Variants in FOXP2 observed in about 807,000 individuals in gnomAD.
The protein encoded by FOXP2 is forkhead box protein P2.
A neutral mutation model predicts 115.8 loss-of-function variants in FOXP2; 12 were observed. That is an observed-to-expected ratio of 0.10 (90% CI 0.07 to 0.17). FOXP2 has a LOEUF of 0.17. Ranked by LOEUF, FOXP2 falls within the 10% of genes least tolerant of loss-of-function variation. FOXP2 has a pLI of 1.00. For missense variants in FOXP2, 629 were observed against 843.5 expected (o/e 0.75, Z 3.15); for synonymous variants, 328 against 297.7 (o/e 1.10, Z -1.05).
rs141709572 is a variant in FOXP2 at position 114,637,470 on chromosome 7, A to G, written c.776-4940A>G. 1.5e-3 allele frequency among the ~76,000 whole-genome samples: 234 copies of G among 152,282 alleles called. 2 individuals carry two copies. Among genetic ancestry groups the G allele is most frequent in the African/African-American group, 5.3e-3 (219 of 41,580 alleles). ...AGTTGTCTATTAATCATAATAGTCT[A>G]GTCCACAGATTCCCAGAGTATGTTT... On this transcript the variant is annotated intron_variant, in intron 6 of 16. Transcript: ENST00000350908.
At chr7:114,668,070 A>G (rs1287595558) in intron 16 of FOXP2, 1 of 152,128 alleles carries the variant, frequency 6.6e-6, no homozygotes, top group Non-Finnish European at 1.5e-5. Context: ...CACAAGAAGC[A>G]GGTTCAAAAG....
At chr7:114,125,690 A>C (rs1173457500) in intron 1 of FOXP2, among the ~76,000 whole-genome samples, 1 of 152,112 alleles carries the variant, frequency 6.6e-6, no homozygotes, top group Non-Finnish European at 1.5e-5. Context: ...TCAGTGAATC[A>C]TGACTTCTGC....
At chr7:114,224,024 A>T (rs1794686659) in intron 1 of FOXP2, among the ~76,000 whole-genome samples, 2 of 152,044 alleles carry the variant, frequency 1.3e-5, no homozygotes, top group African/African-American at 4.8e-5. Flanking sequence ...GGATAGTGTA[A>T]TCAGAACCAA....
At chr7:114,264,776 A>C (rs918397014) in intron 1 of FOXP2, among the ~76,000 whole-genome samples, 1 of 152,088 alleles carries the variant, frequency 6.6e-6, no homozygotes, top group African/African-American at 2.4e-5. Flanking sequence ...GGCCTCAGGG[A>C]GCTTTTACTC....
chr7:114,214,701 C>A (rs901982812), intron 1 of FOXP2, among the ~76,000 whole-genome samples: 4 of 152,146 alleles, frequency 2.6e-5, no homozygotes, highest in Admixed American at 2.6e-4. Context: ...TGCCTTCCCC[C>A]CTTACTCCTG....
At chr7:114,222,247 C>A (rs894088958) in intron 1 of FOXP2, among the ~76,000 whole-genome samples, 2 of 152,328 alleles carry the variant, frequency 1.3e-5, no homozygotes, top group East Asian at 3.9e-4. Flanking sequence ...CCTCTGTCTC[C>A]TGGGCTCATG....
chr7:114,101,100 A>G (rs562847649), intron 1 of FOXP2, among the ~76,000 whole-genome samples: 1 of 152,222 alleles, frequency 6.6e-6, no homozygotes, highest in South Asian at 2.1e-4. Context: ...CTTGTCCCCC[A>G]AGTCCCACAG....
rs1012543709 is a variant in FOXP2, at chr7:114,399,947, C to CG, written c.-10-26555_-10-26554insG. Among the ~76,000 whole-genome samples the CG allele has an allele frequency of 9.2e-5, 14 of 151,426 alleles. No homozygotes were observed. The East Asian group carries it at 1.4e-3, about 15-fold the overall frequency. ...TCTTGGCTCACTGCAACCTCCGCCC[C>CG]CCGAGTTCAAGCGATTCTCCTGCCT... On this transcript the variant is annotated intron_variant, in intron 2 of 17. Coordinates refer to the FOXP2 transcript ENST00000634411.
chr7:114,440,320 G>T (rs1195149466), intron 2 of FOXP2, among the ~76,000 whole-genome samples: 1 of 152,144 alleles, frequency 6.6e-6, no homozygotes, highest in South Asian at 2.1e-4. Context: ...TATTTCTGAT[G>T]AATATAGTCA....
chr7:114,226,936 A>G (rs1794761647), intron 1 of FOXP2, among the ~76,000 whole-genome samples: 1 of 152,062 alleles, frequency 6.6e-6, no homozygotes, highest in African/African-American at 2.4e-5. Context: ...ATTGAAATCC[A>G]TTTTACTTAC....
At chr7:114,385,563 C>T (rs369118065) in intron 2 of FOXP2, among the ~76,000 whole-genome samples, 1 of 152,074 alleles carries the variant, frequency 6.6e-6, no homozygotes, top group Non-Finnish European at 1.5e-5. Flanking sequence ...GGCAGACAAA[C>T]GTCCGCAGTA....
intron 10 of FOXP2, chr7:114,654,249 A>G (rs1806449383): frequency 1.1e-6 from 1 of 878,520 alleles, no homozygotes; most frequent in Non-Finnish European, 1.6e-6. Flanking sequence ...ATCAGTGCAC[A>G]AATCACTGCC....
At chr7:114,538,274 T>C in intron 3 of FOXP2, 3 of 1,182,736 alleles carry the variant, frequency 2.5e-6, no homozygotes, top group Non-Finnish European at 3.4e-6. Flanking sequence ...ATCTACTTAA[T>C]TTAGTTTAGA....
At chr7:114,388,378 G>T (rs531241923) in intron 2 of FOXP2, among the ~76,000 whole-genome samples, 1 of 147,378 alleles carries the variant, frequency 6.8e-6, no homozygotes, top group African/African-American at 2.4e-5. Context: ...TAAGTAAGTT[G>T]ACAAGGAACT....
At chr7:114,668,779 C>T (rs905603529) in intron 16 of FOXP2, 1 of 151,990 alleles carries the variant, frequency 6.6e-6, no homozygotes, top group Non-Finnish European at 1.5e-5. Context: ...TATAAGAAAC[C>T]CCTAGCACAT....
At chr7:114,319,336 C>T (rs1471359453) in intron 2 of FOXP2, among the ~76,000 whole-genome samples, 1 of 152,176 alleles carries the variant, frequency 6.6e-6, no homozygotes, top group East Asian at 1.9e-4. Flanking sequence ...AGATAGAAGG[C>T]ACAAATTAAA....
intron 2 of FOXP2, among the ~76,000 whole-genome samples, chr7:114,533,507 T>G (rs1799238631): frequency 6.6e-6 from 1 of 151,926 alleles, no homozygotes; most frequent in Non-Finnish European, 1.5e-5. Flanking sequence ...AAAAACCAGA[T>G]CATTGATTAC....
chr7:114,197,173 C>G (rs111236039), intron 1 of FOXP2, among the ~76,000 whole-genome samples: 1 of 147,382 alleles, frequency 6.8e-6, no homozygotes, highest in African/African-American at 2.5e-5. Context: ...ACTCCAGCCT[C>G]GACTACACAG....
intron 2 of FOXP2, among the ~76,000 whole-genome samples, chr7:114,386,350 A>T (rs950143502): frequency 1.4e-4 from 22 of 152,356 alleles, no homozygotes; most frequent in Middle Eastern, 3.4e-3. Context: ...TTTTAAAAAA[A>T]TTTTAAGCTT....
Sources: gnomAD v4.1 joint callset for allele counts (sites outside exome capture counted in the v4.1 genomes callset) on GRCh38, gnomAD v4.1.1 for gene constraint, MANE v1.5 for transcripts, NCBI Gene and HGNC (gene_info 2026-07-23, HGNC 2026-07-21) for gene names.